Variants in FA2H observed in about 807,000 individuals in gnomAD.
The protein encoded by FA2H is fatty acid alpha-hydroxylase.
A neutral mutation model predicts 44.9 loss-of-function variants in FA2H; 22 were observed. The ratio of observed to expected loss-of-function variants is 0.49; its 90% confidence interval spans 0.35 to 0.70. FA2H has a LOEUF of 0.70. Among genes scored for constraint, FA2H ranks in the 30% least tolerant of loss-of-function variants. The pLI is 0.01. For synonymous variants in FA2H, 243 were observed against 213.2 expected, an observed-to-expected ratio of 1.14 and a Z score of -1.22; for missense variants, 501 against 504.9, an observed-to-expected ratio of 0.99 and a Z score of 0.07.
chr16:74,718,282 C>T (rs1961751660), intron 5 of FA2H, among the ~76,000 whole-genome samples: 1 of 152,188 alleles, frequency 6.6e-6, no homozygotes, highest in African/African-American at 2.4e-5. Flanking sequence ...GATTTATGCC[C>T]AGCAGAGAAC....
intron 2 of FA2H, among the ~76,000 whole-genome samples, chr16:74,734,755 TG>T (rs1020429530): frequency 4.6e-5 from 7 of 152,080 alleles, no homozygotes; most frequent in Non-Finnish European, 1.0e-4. Flanking sequence ...TGGGGAAGGG[TG>T]TGCCCAGAAT....
At chr16:74,764,900 G>A (rs1567650759) in intron 1 of FA2H, among the ~76,000 whole-genome samples, 1 of 152,068 alleles carries the variant, frequency 6.6e-6, no homozygotes, top group Non-Finnish European at 1.5e-5. Context: ...GCTACATGAG[G>A]ACTGGGGGGG....
chr16:74,739,988 C>T (rs1962259217), intron 2 of FA2H, 35 bp downstream of exon 2: 1 of 1,502,858 alleles, frequency 6.7e-7, no homozygotes, highest in Non-Finnish European at 9.3e-7. Flanking sequence ...CCGCCAGCCC[C>T]CAGTCATCAC....
At chr16:74,759,629 G>A (rs190223404) in intron 1 of FA2H, among the ~76,000 whole-genome samples, 147 of 152,320 alleles carry the variant, frequency 9.7e-4, no homozygotes, top group Non-Finnish European at 1.8e-3. Flanking sequence ...CCCCGGGAAG[G>A]TCACCTCTGC....
chr16:74,733,827 C>A (rs1962127097), intron 2 of FA2H, among the ~76,000 whole-genome samples: 1 of 152,202 alleles, frequency 6.6e-6, no homozygotes, highest in Non-Finnish European at 1.5e-5. Flanking sequence ...GCTGCCCCGT[C>A]CCCCGCCTGC....
At chr16:74,762,590 G>T (rs1962733768) in intron 1 of FA2H, among the ~76,000 whole-genome samples, 1 of 152,104 alleles carries the variant, frequency 6.6e-6, no homozygotes, top group African/African-American at 2.4e-5. Flanking sequence ...GAGTGCAGTG[G>T]CACGATCTTG....
chr16:74,762,052 A>AT (rs947905507), intron 1 of FA2H, among the ~76,000 whole-genome samples: 6 of 138,344 alleles, frequency 4.3e-5, no homozygotes, highest in Admixed American at 1.4e-4. Context: ...CTTCCACACA[A>AT]TTTTTTTTTT....
chr16:74,754,510 T>C (rs1270563083), intron 1 of FA2H, among the ~76,000 whole-genome samples: 1 of 152,152 alleles, frequency 6.6e-6, no homozygotes, highest in Non-Finnish European at 1.5e-5. Flanking sequence ...TGTGACTTTA[T>C]TTGGAAACAG....
At chr16:74,726,517 T>C (rs1219863774) in intron 3 of FA2H, among the ~76,000 whole-genome samples, 186 bp from the exon 4 acceptor site, 1 of 152,214 alleles carries the variant, frequency 6.6e-6, no homozygotes, top group African/African-American at 2.4e-5. Context: ...GCCTCCCAAG[T>C]AGCTGGGATT....
chr16:74,732,889 C>A (rs1962101950), intron 2 of FA2H, among the ~76,000 whole-genome samples: 1 of 152,216 alleles, frequency 6.6e-6, no homozygotes, highest in Non-Finnish European at 1.5e-5. Context: ...CGGAGCTAGA[C>A]CGTGGAAGAT....
At chr16:74,748,526 C>T (rs1306465846) in intron 1 of FA2H, among the ~76,000 whole-genome samples, 2 of 151,992 alleles carry the variant, frequency 1.3e-5, no homozygotes, top group Non-Finnish European at 2.9e-5. Flanking sequence ...CAGCCCACTC[C>T]GAGGGCTGTT....
At chr16:74,715,552 A>G (rs1365240751) in intron 6 of FA2H, among the ~76,000 whole-genome samples, 2 of 152,192 alleles carry the variant, frequency 1.3e-5, no homozygotes, top group Non-Finnish European at 2.9e-5. Flanking sequence ...TCCGCCTCCT[A>G]TAGTGCTGGG....
chr16:74,716,758 G>A (rs1190118852), intron 5 of FA2H, 159 bp from the exon 6 acceptor site: 4 of 738,592 alleles, frequency 5.4e-6, no homozygotes, highest in Middle Eastern at 3.8e-4. Flanking sequence ...GGGCCACCAC[G>A]TCTGGAAGAT....
At chr16:74,743,893 G>A (rs150164564) in intron 1 of FA2H, among the ~76,000 whole-genome samples, 363 of 152,282 alleles carry the variant, frequency 2.4e-3, no homozygotes, top group Non-Finnish European at 4.0e-3. Context: ...CCAGCGTCAC[G>A]CGGTGTCAGT....
intron 1 of FA2H, among the ~76,000 whole-genome samples, chr16:74,754,928 A>C (rs1962587837): frequency 6.6e-6 from 1 of 152,144 alleles, no homozygotes; most frequent in African/African-American, 2.4e-5. Flanking sequence ...GAGGGGACTG[A>C]GGAGACATTG....
intron 1 of FA2H, among the ~76,000 whole-genome samples, chr16:74,747,019 T>G (rs1265584718): frequency 6.6e-6 from 1 of 151,974 alleles, no homozygotes; most frequent in Non-Finnish European, 1.5e-5. Context: ...TCTAGAAAGG[T>G]GATAAAATTA....
In FA2H at chr16:74,726,245, AGTCGGACGTTGCCCTGG is replaced by A. The variant is rs1467023839; in HGVS notation, c.576_592del (p.Gln193LeufsTer114). 3 of 1,613,388 alleles carry A rather than the reference AGTCGGACGTTGCCCTGG, an allele frequency of 1.9e-6. No individual in the cohort carries two copies. The highest frequency in any genetic ancestry group is 2.5e-6 in the Non-Finnish European group (3 of 1,179,474). On this transcript the variant is annotated frameshift_variant, in exon 4 of 7. Coordinates refer to ENST00000219368, the MANE Select transcript of FA2H (RefSeq NM_024306.5). LOFTEE classifies it high-confidence loss of function. ...ATTACCTGTTGTAAATGACGTGAAGAGTCGGACGTTGCCCTGGGCAAAGGTTCGGTAGTAGGACCAGC... is the reference window on the plus strand; with the variant it reads ...ATTACCTGTTGTAAATGACGTGAAGAGCAAAGGTTCGGTAGTAGGACCAGC...
chr16:74,734,732 T>C (rs553634869), intron 2 of FA2H, among the ~76,000 whole-genome samples: 1 of 152,164 alleles, frequency 6.6e-6, no homozygotes, highest in Non-Finnish European at 1.5e-5. Context: ...CCAGGTGGCA[T>C]AGGACGCTTT....
intron 1 of FA2H, among the ~76,000 whole-genome samples, chr16:74,769,571 A>T (rs1273225952): frequency 6.6e-6 from 1 of 152,258 alleles, no homozygotes; most frequent in Non-Finnish European, 1.5e-5. Flanking sequence ...AAGAGTAACC[A>T]GAGTATAGTA....
Sources: gnomAD v4.1 joint callset for allele counts (sites outside exome capture counted in the v4.1 genomes callset) on GRCh38, gnomAD v4.1.1 for gene constraint, MANE v1.5 for transcripts, NCBI Gene and HGNC (gene_info 2026-07-23, HGNC 2026-07-21) for gene names.